Variants in PIK3C2G observed in about 807,000 individuals in gnomAD.
PIK3C2G encodes the protein phosphatidylinositol 3-kinase C2 domain-containing subunit gamma.
Under a neutral mutation model 181.1 loss-of-function variants are expected in PIK3C2G, and 168 were observed. That is an observed-to-expected ratio of 0.93 (90% CI 0.82 to 1.05). PIK3C2G has a LOEUF of 1.05. PIK3C2G is among the 50% of genes least tolerant of loss of function. The probability of loss-of-function intolerance (pLI) is 0.00; values close to 1 mark genes in which losing one functional copy is unlikely to be tolerated. For synonymous variants in PIK3C2G, 573 were observed against 592.2 expected (o/e 0.97, Z 0.47); for missense variants, 1,869 against 1,732.8 (o/e 1.08, Z -1.40).
chr12:18,719,863 T>C, the PIK3C2G span, among the ~76,000 whole-genome samples: 1 of 152,052 alleles, frequency 6.6e-6, no homozygotes, highest in Admixed American at 6.6e-5. Context: ...AATTATCTCT[T>C]TTTTTATGTT....
At chr12:18,530,581 A>C (rs1235324609) in intron 24 of PIK3C2G, among the ~76,000 whole-genome samples, 1 of 152,160 alleles carries the variant, frequency 6.6e-6, no homozygotes, top group African/African-American at 2.4e-5. Flanking sequence ...TGATAAGATC[A>C]ACAATGACCT....
At chr12:18,646,731 T>C (rs980388512) in intron 32 of PIK3C2G, among the ~76,000 whole-genome samples, 4 of 152,128 alleles carry the variant, frequency 2.6e-5, no homozygotes, top group African/African-American at 9.7e-5. Flanking sequence ...CTAAATGTGT[T>C]CTAAGACATT....
Position 18,538,136 on chromosome 12 carries a change from C to T in PIK3C2G, c.3324-20C>T. 1 of 1,598,092 alleles carries T rather than the reference C, an allele frequency of 6.3e-7. No individual in the cohort carries two copies. The stretch of plus-strand genomic sequence containing the variant: ...CCATTTCTCTTCCTTCGAATGATTG[C>T]TACTGTTTTTGGTTTACAGGGACCG... On this transcript the variant is annotated intron_variant, in intron 24 of 32. Coordinates refer to ENST00000538779, the MANE Select transcript of PIK3C2G (RefSeq NM_001288772.2).
chr12:18,547,668 A>AC (rs60053359), intron 26 of PIK3C2G, among the ~76,000 whole-genome samples: 87 of 151,304 alleles, frequency 5.8e-4, no homozygotes, highest in African/African-American at 1.7e-3. Context: ...ACAAAACAAA[A>AC]AAAACCCTGC....
intron 18 of PIK3C2G, among the ~76,000 whole-genome samples, chr12:18,429,916 C>G (rs1012123617): frequency 6.6e-5 from 10 of 152,134 alleles, no homozygotes; most frequent in Non-Finnish European, 1.3e-4. Context: ...ATTCCACAGC[C>G]CCCTGGCCTA....
chr12:18,248,685 T>G (rs1436438289), intron 1 of PIK3C2G, among the ~76,000 whole-genome samples: 1 of 152,204 alleles, frequency 6.6e-6, no homozygotes, highest in Non-Finnish European at 1.5e-5. Flanking sequence ...ATTTCTTATG[T>G]ATGTAAAGTC....
the PIK3C2G span, among the ~76,000 whole-genome samples, chr12:18,696,751 C>G: frequency 6.6e-6 from 1 of 152,092 alleles, no homozygotes; most frequent in Non-Finnish European, 1.5e-5. Context: ...TTCACAGGTT[C>G]TCAGGGTTGA....
the PIK3C2G span, among the ~76,000 whole-genome samples, chr12:18,707,070 C>T: frequency 5.3e-5 from 8 of 152,180 alleles, no homozygotes; most frequent in Admixed American, 6.5e-5. Context: ...TATCAAATCT[C>T]TCTCTACTTC....
chr12:18,507,175 G>T (rs572436221), intron 24 of PIK3C2G, among the ~76,000 whole-genome samples: 1 of 152,088 alleles, frequency 6.6e-6, no homozygotes, highest in African/African-American at 2.4e-5. Context: ...GACTACAGGA[G>T]TGTGCCACCA....
At chr12:18,607,375 G>C (rs1948084803) in intron 30 of PIK3C2G, among the ~76,000 whole-genome samples, 1 of 152,090 alleles carries the variant, frequency 6.6e-6, no homozygotes, top group Non-Finnish European at 1.5e-5. Flanking sequence ...GAACAGAACA[G>C]AGCCCTCAGA....
intron 18 of PIK3C2G, among the ~76,000 whole-genome samples, chr12:18,436,644 C>G (rs1264613846): frequency 6.6e-6 from 1 of 151,906 alleles, no homozygotes; most frequent in Non-Finnish European, 1.5e-5. Context: ...GTATTGCCTA[C>G]AGGTTAATTT....
chr12:18,354,238 T>G (rs1345470316), intron 11 of PIK3C2G, among the ~76,000 whole-genome samples: 1 of 152,264 alleles, frequency 6.6e-6, no homozygotes, highest in South Asian at 2.1e-4. Flanking sequence ...CCTCAAGTCC[T>G]GTAGGTAGAA....
the PIK3C2G span, among the ~76,000 whole-genome samples, chr12:18,672,291 A>C: frequency 2.0e-5 from 3 of 152,116 alleles, no homozygotes; most frequent in Non-Finnish European, 4.4e-5. Context: ...CAGCACCTCT[A>C]TTACTCAGTC....
chr12:18,712,895 T>C, the PIK3C2G span: 5 of 1,613,970 alleles, frequency 3.1e-6, no homozygotes, highest in Non-Finnish European at 3.4e-6. Context: ...AGAAGTTTGC[T>C]TGTGAGTGTG....
At chr12:18,471,114 A>G (rs1209986190) in intron 18 of PIK3C2G, among the ~76,000 whole-genome samples, 1 of 152,136 alleles carries the variant, frequency 6.6e-6, no homozygotes, top group Non-Finnish European at 1.5e-5. Context: ...CAATGCAATT[A>G]TCTGAAAAGA....
chr12:18,619,850 G>A (rs999580548), intron 31 of PIK3C2G, among the ~76,000 whole-genome samples: 1 of 150,466 alleles, frequency 6.6e-6, no homozygotes, highest in Non-Finnish European at 1.5e-5. Flanking sequence ...TCAGCCTCCC[G>A]AGTAGCTGGG....
intron 18 of PIK3C2G, among the ~76,000 whole-genome samples, chr12:18,474,362 T>C (rs1938760938): frequency 6.6e-6 from 1 of 152,102 alleles, no homozygotes; most frequent in Admixed American, 6.6e-5. Flanking sequence ...GACACAGGCA[T>C]TGCCAGTCCA....
chr12:18,389,465 G>A (rs905395979), intron 14 of PIK3C2G, among the ~76,000 whole-genome samples: 6 of 152,108 alleles, frequency 3.9e-5, no homozygotes, highest in East Asian at 3.9e-4. Flanking sequence ...ACAATGAAGC[G>A]CAGCTTTGGG....
At chr12:18,596,651 C>A (rs1308081817) in intron 30 of PIK3C2G, among the ~76,000 whole-genome samples, 1 of 152,066 alleles carries the variant, frequency 6.6e-6, no homozygotes, top group Non-Finnish European at 1.5e-5. Flanking sequence ...CATGATTAAG[C>A]ACCATTAAAA....
Sources: gnomAD v4.1 joint callset for allele counts (sites outside exome capture counted in the v4.1 genomes callset) on GRCh38, gnomAD v4.1.1 for gene constraint, MANE v1.5 for transcripts, NCBI Gene and HGNC (gene_info 2026-07-23, HGNC 2026-07-21) for gene names.